EXOSC1: variants seen among roughly 807,000 people sequenced by gnomAD.
EXOSC1 encodes exosome complex component CSL4.
A neutral mutation model predicts 31.4 loss-of-function variants in EXOSC1; 27 were observed. The ratio of observed to expected loss-of-function variants is 0.86; its 90% confidence interval spans 0.63 to 1.18. The LOEUF is 1.18. Ranked by LOEUF, EXOSC1 falls within the 50% of genes most tolerant of loss-of-function variation. The probability of loss-of-function intolerance (pLI) is 0.00; values close to 1 mark genes in which losing one functional copy is unlikely to be tolerated. For missense variants in EXOSC1, 228 were observed against 250.3 expected (o/e 0.91, Z 0.60); for synonymous variants, 84 against 89.5 (o/e 0.94, Z 0.35).
At chr10:97,436,898 T>C (rs539015706) in intron 7 of EXOSC1, among the ~76,000 whole-genome samples, 4 of 152,006 alleles carry the variant, frequency 2.6e-5, no homozygotes, top group Admixed American at 6.6e-5. Context: ...GTGGCGTGTG[T>C]CTGTAATCCC....
At chr10:97,439,188 T>C (rs957191221) in intron 4 of EXOSC1, among the ~76,000 whole-genome samples, 2 of 152,220 alleles carry the variant, frequency 1.3e-5, no homozygotes, top group Admixed American at 6.5e-5. Flanking sequence ...GGAGAGGCAG[T>C]ATCAATACCT....
At position 97,437,258 on chromosome 10, in the gene EXOSC1, T is replaced by C. The variant is rs1845567975; in HGVS notation, c.414A>G (p.Ala138=). The C allele has an allele frequency of 1.9e-6, 3 of 1,613,952 alleles. No homozygotes were observed. The highest frequency in any genetic ancestry group is 1.7e-6 in the Non-Finnish European group (2 of 1,179,960). ...CGGTGGTTAGCAGGTAGTTGGACTG[T>C]GCATCACCTAAGGAGATCTAGTCAC... ...VLAKVISLGD[A]QSNYLLTTAE... is the part of the protein sequence containing the mutation. Residue 138 remains alanine, a synonymous_variant, in exon 7 of 8, where the codon GCA becomes GCG. Coordinates refer to ENST00000370902, the MANE Select transcript of EXOSC1 (RefSeq NM_016046.5).
intron 4 of EXOSC1, among the ~76,000 whole-genome samples, chr10:97,439,172 C>G (rs998665312): frequency 3.3e-5 from 5 of 152,208 alleles, no homozygotes; most frequent in African/African-American, 1.2e-4. Flanking sequence ...CATCCTCAGA[C>G]CACATGGAGA....
chr10:97,443,144 T>C (rs1177501908), intron 3 of EXOSC1, 93 bp downstream of exon 3: 1 of 1,036,412 alleles, frequency 9.6e-7, no homozygotes, highest in African/African-American at 1.6e-5. Context: ...TTTATGTAGC[T>C]TGTGGCTATC....
intron 2 of EXOSC1, chr10:97,445,177 C>T (rs1204218520): frequency 6.6e-6 from 1 of 152,474 alleles, no homozygotes; most frequent in Non-Finnish European, 1.5e-5. Context: ...GAGAAGCTAT[C>T]TAAAGGAGGT....
At chr10:97,445,563 T>C in intron 2 of EXOSC1, 169 bp downstream of exon 2, 1 of 634,630 alleles carries the variant, frequency 1.6e-6, no homozygotes, top group Non-Finnish European at 2.7e-6. Flanking sequence ...ACAACTAGTG[T>C]GTGGTGGCTA....
At chr10:97,442,036 G>C (rs192662839) in intron 3 of EXOSC1, among the ~76,000 whole-genome samples, 245 of 151,738 alleles carry the variant, frequency 1.6e-3, no homozygotes, top group African/African-American at 5.4e-3. Flanking sequence ...AATTAGCCAG[G>C]CGTGGCAGCA....
intron 6 of EXOSC1, 24 bp downstream of exon 6, chr10:97,437,676 A>T (rs199945025): frequency 1.2e-6 from 2 of 1,610,430 alleles, no homozygotes; most frequent in African/African-American, 1.3e-5. Context: ...AAAGGACCAG[A>T]AGTCTGCTGG....
chr10:97,442,837 C>A (rs1009323748), intron 3 of EXOSC1, among the ~76,000 whole-genome samples: 2 of 152,090 alleles, frequency 1.3e-5, no homozygotes, highest in Admixed American at 1.3e-4. Context: ...TGCACCACCA[C>A]GCTAAGCTAA....
In EXOSC1 at chr10:97,441,799, T is replaced by G. The variant is rs74431546; in HGVS notation, c.223-540A>C. ...GCCACTGCATCCGGCTGGGTTTTTTTTTTTTTTTTTAAATCTTTTCACAAC... is the reference window on the plus strand; with the variant it reads ...GCCACTGCATCCGGCTGGGTTTTTTGTTTTTTTTTTAAATCTTTTCACAAC... On this transcript the variant is annotated intron_variant, in intron 3 of 7. Coordinates refer to ENST00000370902, the MANE Select transcript of EXOSC1 (RefSeq NM_016046.5). Among the ~76,000 whole-genome samples the G allele has an allele frequency of 4.1e-3, 623 of 150,536 alleles. 18 individuals carry two copies. The East Asian group carries it at 0.064, about 15-fold the overall frequency.
chr10:97,437,326 C>G (rs147866756), intron 6 of EXOSC1, 51 bp from the exon 7 acceptor site: 37 of 1,385,446 alleles, frequency 2.7e-5, no homozygotes, highest in African/African-American at 7.3e-5. Flanking sequence ...AGTCTTCCCC[C>G]ACCTTAGCCA....
intron 2 of EXOSC1, 175 bp downstream of exon 2, chr10:97,445,557 C>G (rs1186812249): frequency 1.6e-6 from 1 of 628,824 alleles, no homozygotes; most frequent in Non-Finnish European, 2.7e-6. Flanking sequence ...ATCAACACAA[C>G]TAGTGTGTGG....
chr10:97,436,766 G>T (rs1845551503), intron 7 of EXOSC1, among the ~76,000 whole-genome samples: 1 of 152,206 alleles, frequency 6.6e-6, no homozygotes, highest in Non-Finnish European at 1.5e-5. Flanking sequence ...GCTCACACCT[G>T]TAATCCCAGC....
At chr10:97,445,601 AAGAAAC>A in intron 2 of EXOSC1, 125 bp downstream of exon 2, 1 of 776,590 alleles carries the variant, frequency 1.3e-6, no homozygotes, top group Non-Finnish European at 2.0e-6. Flanking sequence ...ATACGGCTAG[AAGAAAC>A]TAAGAGACCA....
In EXOSC1 at chr10:97,436,292, G is replaced by A. The variant is rs1845532069; in HGVS notation, c.*153C>T. The A allele has an allele frequency of 8.0e-6, 5 of 621,410 alleles. No individual in the cohort carries two copies. Among genetic ancestry groups the A allele is most frequent in the Non-Finnish European group, 1.1e-5 (4 of 348,786 alleles). 38.5% of individuals were successfully genotyped at this position (621,410 alleles called of 1,614,324 possible). On this transcript the variant is annotated 3_prime_UTR_variant, in exon 8 of 8. Transcript: ENST00000370902. ...TCAAGAGAATGAAATCCACTGATAG[G>A]TTCACAGAAACATGTTCCATCTACA...
chr10:97,437,416 T>C, intron 6 of EXOSC1, 141 bp from the exon 7 acceptor site: 3 of 674,932 alleles, frequency 4.4e-6, no homozygotes, highest in Non-Finnish European at 7.7e-6. Flanking sequence ...GGTGGCGTGA[T>C]ATCAGTTCAC....
At chr10:97,440,880 G>GATCTCAAGAGATCCACCCGCC (rs1845693009) in intron 4 of EXOSC1, 1 of 226,120 alleles carries the variant, frequency 4.4e-6, no homozygotes, top group Admixed American at 5.5e-5. Context: ...TCAAACTCCT[G>GATCTCAAGAGATCCACCCGCC]ATCTCAAGAG....
At chr10:97,443,849 AG>A (rs1381940740) in intron 2 of EXOSC1, 1 of 150,880 alleles carries the variant, frequency 6.6e-6, no homozygotes, top group Non-Finnish European at 1.5e-5. Context: ...ATGGAGTGCA[AG>A]GGTGCCATCT....
intron 2 of EXOSC1, 145 bp downstream of exon 2, chr10:97,445,587 G>A: frequency 1.4e-6 from 1 of 699,710 alleles, no homozygotes; most frequent in South Asian, 1.9e-5. Flanking sequence ...GCACCACAGC[G>A]GCGATACGGC....
Sources: gnomAD v4.1 joint callset for allele counts (sites outside exome capture counted in the v4.1 genomes callset) on GRCh38, gnomAD v4.1.1 for gene constraint, MANE v1.5 for transcripts, NCBI Gene and HGNC (gene_info 2026-07-23, HGNC 2026-07-21) for gene names.